KCNH8: variants seen among roughly 807,000 people sequenced by gnomAD.
KCNH8 encodes the protein potassium voltage-gated channel subfamily H member 8.
In KCNH8, 70 loss-of-function variants were observed where a neutral mutation model predicts 103.6. The ratio of observed to expected loss-of-function variants is 0.68; its 90% CI spans 0.56 to 0.82. The LOEUF is 0.82. Ranked by LOEUF, KCNH8 falls within the 40% of genes least tolerant of loss-of-function variation. The pLI is 0.00. For missense variants in KCNH8, 1,217 were observed against 1,329.9 expected, an observed-to-expected ratio of 0.92 and a Z score of 1.32; for synonymous variants, 498 against 489.4, an observed-to-expected ratio of 1.02 and a Z score of -0.23.
intron 11 of KCNH8, among the ~76,000 whole-genome samples, chr3:19,496,930 T>C (rs956377744): frequency 6.6e-6 from 1 of 152,184 alleles, no homozygotes; most frequent in Non-Finnish European, 1.5e-5. Flanking sequence ...GGAGGTTATA[T>C]GTGTCCAGGA....
intron 5 of KCNH8, among the ~76,000 whole-genome samples, chr3:19,352,162 C>T (rs889123544): frequency 2.6e-5 from 4 of 152,140 alleles, no homozygotes; most frequent in African/African-American, 7.2e-5. Context: ...GTAAAGGGAT[C>T]AATTCAACAA....
intron 5 of KCNH8, among the ~76,000 whole-genome samples, chr3:19,376,224 CAG>C (rs1472656115): frequency 6.6e-6 from 1 of 152,200 alleles, no homozygotes; most frequent in Non-Finnish European, 1.5e-5. Flanking sequence ...AGTTTGATCT[CAG>C]AGTGCTGTGC....
chr3:19,173,406 GT>G (rs1416477066), intron 1 of KCNH8, among the ~76,000 whole-genome samples: 2 of 152,110 alleles, frequency 1.3e-5, no homozygotes, highest in Non-Finnish European at 2.9e-5. Context: ...TATCTGCTAT[GT>G]GCCATACAAT....
At chr3:19,467,700 C>G (rs536515212) in intron 11 of KCNH8, among the ~76,000 whole-genome samples, 30 of 152,184 alleles carry the variant, frequency 2.0e-4, no homozygotes. Flanking sequence ...CTTGTATCCT[C>G]TTATGACCTC....
At chr3:19,376,214 A>C (rs922017540) in intron 5 of KCNH8, among the ~76,000 whole-genome samples, 4 of 152,146 alleles carry the variant, frequency 2.6e-5, no homozygotes, top group Admixed American at 6.5e-5. Flanking sequence ...GCCGCCTTGC[A>C]GTTTGATCTC....
chr3:19,291,218 A>G (rs534703948), intron 3 of KCNH8, among the ~76,000 whole-genome samples: 191 of 152,132 alleles, frequency 1.3e-3, no homozygotes, highest in African/African-American at 4.3e-3. Flanking sequence ...TGATTTTTTG[A>G]AGGGTTTTTT....
At chr3:19,476,042 A>C (rs1356498568) in intron 11 of KCNH8, among the ~76,000 whole-genome samples, 2 of 152,192 alleles carry the variant, frequency 1.3e-5, no homozygotes, top group Non-Finnish European at 2.9e-5. Context: ...ATTTGGTAAA[A>C]GTGCTAATTC....
intron 3 of KCNH8, among the ~76,000 whole-genome samples, chr3:19,327,567 G>T (rs1005619428): frequency 6.6e-6 from 1 of 152,166 alleles, no homozygotes; most frequent in South Asian, 2.1e-4. Context: ...TGGGATTACA[G>T]GCCTGAGCCA....
chr3:19,183,110 A>G (rs566339272), intron 1 of KCNH8, among the ~76,000 whole-genome samples: 1 of 152,338 alleles, frequency 6.6e-6, no homozygotes, highest in African/African-American at 2.4e-5. Flanking sequence ...AGGCATTCCC[A>G]TTAAAATTTG....
intron 5 of KCNH8, among the ~76,000 whole-genome samples, chr3:19,379,096 C>G (rs146978288): frequency 5.3e-5 from 8 of 152,270 alleles, no homozygotes; most frequent in African/African-American, 1.9e-4. Flanking sequence ...TCTTGGGCAA[C>G]TTTATTAAAA....
intron 15 of KCNH8, among the ~76,000 whole-genome samples, chr3:19,524,553 C>T (rs2069029583): frequency 2.0e-5 from 3 of 151,608 alleles, no homozygotes; most frequent in Admixed American, 2.0e-4. Flanking sequence ...ATTTTACTGA[C>T]TTTAAAAAAT....
rs1033621843 is a variant in KCNH8, at chr3:19,528,949, A to T, written c.2620-4446A>T. Among the ~76,000 whole-genome samples, 4 of 152,226 alleles carry T rather than the reference A, an allele frequency of 2.6e-5. No individual in the cohort carries two copies. The East Asian group carries it at 7.7e-4, about 29-fold the overall frequency. ...CTGCTATGTGAGTGTCAATAAGCCAAGGAAAGGCTCTGCTGAGAAAATTAA... is the reference window on the plus strand; with the variant it reads ...CTGCTATGTGAGTGTCAATAAGCCATGGAAAGGCTCTGCTGAGAAAATTAA... On this transcript the variant is annotated intron_variant, in intron 15 of 15. Coordinates refer to ENST00000328405, the MANE Select transcript of KCNH8 (RefSeq NM_144633.3).
intron 7 of KCNH8, among the ~76,000 whole-genome samples, chr3:19,436,890 CT>C (rs1170684214): frequency 6.6e-6 from 1 of 152,166 alleles, no homozygotes; most frequent in African/African-American, 2.4e-5. Context: ...TTCGGACCCT[CT>C]TTAGCAAGCC....
chr3:19,430,079 C>G (rs903586594), intron 7 of KCNH8, among the ~76,000 whole-genome samples: 1 of 152,022 alleles, frequency 6.6e-6, no homozygotes, highest in African/African-American at 2.4e-5. Flanking sequence ...GGGTATATAC[C>G]CAGTAATGGG....
At chr3:19,461,846 G>C (rs1462252949) in intron 11 of KCNH8, among the ~76,000 whole-genome samples, 1 of 152,100 alleles carries the variant, frequency 6.6e-6, no homozygotes, top group African/African-American at 2.4e-5. Context: ...GCCCCAGGGT[G>C]TGATGTTCCC....
In KCNH8 at chr3:19,399,063, A is replaced by G. The variant is rs75565242; in HGVS notation, c.1177+3752A>G. ...CACATACGTAGGAAATTTTTATTTC[A>G]GGTTCATTTAGGAGGCAAGTCCTAT... On this transcript the variant is annotated intron_variant, in intron 7 of 15. Transcript: ENST00000328405. Among the ~76,000 whole-genome samples, 1,231 of 152,116 alleles carry G rather than the reference A, an allele frequency of 8.1e-3. 22 individuals are homozygous for G. Among genetic ancestry groups the G allele is most frequent in the African/African-American group, 0.029 (1,185 of 41,560 alleles).
chr3:19,317,809 A>G (rs1047780682), intron 3 of KCNH8, among the ~76,000 whole-genome samples: 2 of 151,926 alleles, frequency 1.3e-5, no homozygotes, highest in African/African-American at 4.8e-5. Context: ...TAAACTAGGT[A>G]TTGGAGGAAC....
chr3:19,172,486 A>G (rs2063357934), intron 1 of KCNH8, among the ~76,000 whole-genome samples: 1 of 151,490 alleles, frequency 6.6e-6, no homozygotes, highest in Non-Finnish European at 1.5e-5. Flanking sequence ...ACTTTATAAA[A>G]CTCCTTGATC....
At chr3:19,376,136 G>GC (rs1186957759) in intron 5 of KCNH8, among the ~76,000 whole-genome samples, 6 of 151,248 alleles carry the variant, frequency 4.0e-5, no homozygotes, top group Non-Finnish European at 8.9e-5. Context: ...CCCAGTTCGA[G>GC]CGTCCAGGCT....
Sources: gnomAD v4.1 joint callset for allele counts (sites outside exome capture counted in the v4.1 genomes callset) on GRCh38, gnomAD v4.1.1 for gene constraint, MANE v1.5 for transcripts, NCBI Gene and HGNC (gene_info 2026-07-23, HGNC 2026-07-21) for gene names.